Variants in NHSL2 observed in about 807,000 individuals in gnomAD.
NHSL2 encodes NHS-like protein 2.
NHSL2 carries 27 observed loss-of-function variants against 53.4 expected under a neutral mutation model. The ratio of observed to expected loss-of-function variants is 0.51; its 90% CI spans 0.37 to 0.70. The LOEUF (loss-of-function observed/expected upper bound fraction) is 0.70, where lower values mean the gene tolerates loss of function less well. Among genes scored for constraint, NHSL2 ranks in the 30% least tolerant of loss-of-function variants. The pLI is 0.00. For synonymous variants in NHSL2, 408 were observed against 404.1 expected, an observed-to-expected ratio of 1.01 and a Z score of -0.12; for missense variants, 892 against 980.1, an observed-to-expected ratio of 0.91 and a Z score of 1.20.
intron 1 of NHSL2, 196 bp from the exon 2 acceptor site, chrX:72,131,883 G>C: frequency 2.6e-6 from 1 of 382,644 alleles, no homozygotes; most frequent in South Asian, 4.0e-5. Context: ...CGAGCGGAGC[G>C]GGAGGGAGCG....
intron 1 of NHSL2, among the ~76,000 whole-genome samples, chrX:72,126,872 G>A (rs1208662017): frequency 3.6e-5 from 4 of 112,220 alleles, no homozygotes; most frequent in Non-Finnish European, 7.5e-5. Flanking sequence ...CATAGTCCCC[G>A]GGAGAACGAA....
intron 1 of NHSL2, among the ~76,000 whole-genome samples, chrX:71,965,718 T>G (rs1286388177): frequency 2.7e-5 from 3 of 112,318 alleles, no homozygotes; most frequent in African/African-American, 9.7e-5. Flanking sequence ...ATCTTGACAA[T>G]GTTGAGTTTT....
chrX:71,929,879 C>T (rs901393103), intron 1 of NHSL2, among the ~76,000 whole-genome samples: 3 of 110,535 alleles, frequency 2.7e-5, no homozygotes, highest in Non-Finnish European at 5.7e-5. Flanking sequence ...CTCAGCCTCC[C>T]GAGTAGCTAG....
intron 1 of NHSL2, among the ~76,000 whole-genome samples, chrX:72,105,719 T>C (rs2042032727): frequency 8.9e-6 from 1 of 111,768 alleles, no homozygotes; most frequent in African/African-American, 3.3e-5. Flanking sequence ...GCCTGTGAGC[T>C]ACCCAGGAAA....
intron 1 of NHSL2, among the ~76,000 whole-genome samples, chrX:72,045,674 G>A (rs1487581352): frequency 1.8e-5 from 2 of 112,327 alleles, no homozygotes; most frequent in African/African-American, 6.5e-5. Flanking sequence ...CAGTTGAGCA[G>A]GAAGAAGGGC....
chrX:72,001,364 A>G (rs1196717932), intron 1 of NHSL2, among the ~76,000 whole-genome samples: 2 of 111,174 alleles, frequency 1.8e-5, no homozygotes, highest in Admixed American at 1.9e-4. Context: ...GTCAGCAGCT[A>G]GGATCATGCA....
intron 1 of NHSL2, among the ~76,000 whole-genome samples, chrX:71,981,493 T>C (rs1303980295): frequency 1.1e-5 from 1 of 95,063 alleles, no homozygotes; most frequent in African/African-American, 4.2e-5. Flanking sequence ...GCAGAGATCG[T>C]GCCACTGCAC....
intron 1 of NHSL2, among the ~76,000 whole-genome samples, chrX:72,023,260 C>T (rs986081515): frequency 8.0e-5 from 9 of 112,473 alleles, no homozygotes; most frequent in East Asian, 2.8e-4. Flanking sequence ...AGTAGAAATA[C>T]GTGTGAAAAT....
intron 1 of NHSL2, among the ~76,000 whole-genome samples, chrX:72,102,942 A>C (rs761136325): frequency 1.8e-5 from 2 of 112,342 alleles, no homozygotes; most frequent in South Asian, 7.3e-4. Context: ...GCAAAAGCAC[A>C]GTAGGAGTTG....
chrX:71,962,837 T>C (rs1236651387), intron 1 of NHSL2, among the ~76,000 whole-genome samples: 1 of 109,308 alleles, frequency 9.1e-6, no homozygotes, highest in Non-Finnish European at 1.9e-5. Flanking sequence ...CAGGTCTTGC[T>C]ATGTTGCTGA....
chrX:71,946,088 G>A (rs770011363), intron 1 of NHSL2, among the ~76,000 whole-genome samples: 2 of 112,176 alleles, frequency 1.8e-5, no homozygotes, highest in African/African-American at 6.5e-5. Flanking sequence ...ATAAGGGTGG[G>A]TGTGACAGAT....
chrX:71,938,699 T>C (rs1476037220), intron 1 of NHSL2, among the ~76,000 whole-genome samples: 1 of 112,950 alleles, frequency 8.9e-6, no homozygotes, highest in Non-Finnish European at 1.9e-5. Flanking sequence ...AAATTCACAT[T>C]GCAAATCCTG....
At chrX:71,985,877 T>C (rs1334415153) in intron 1 of NHSL2, among the ~76,000 whole-genome samples, 1 of 112,055 alleles carries the variant, frequency 8.9e-6, no homozygotes, top group Non-Finnish European at 1.9e-5. Flanking sequence ...TGTAGCTGAT[T>C]ATAAACCACC....
intron 1 of NHSL2, among the ~76,000 whole-genome samples, chrX:71,940,735 G>A (rs1394074918): frequency 9.1e-6 from 1 of 109,712 alleles, no homozygotes; most frequent in Non-Finnish European, 1.9e-5. Flanking sequence ...TGAGGGGGAT[G>A]TGGCAAGGCT....
At chrX:72,080,475 C>T (rs1014675092) in intron 1 of NHSL2, among the ~76,000 whole-genome samples, 1 of 110,677 alleles carries the variant, frequency 9.0e-6, no homozygotes, top group Non-Finnish European at 1.9e-5. Flanking sequence ...AATTCATAAT[C>T]GGATGGCTTT....
chrX:72,135,729 A>G (rs1323864390), intron 4 of NHSL2, among the ~76,000 whole-genome samples: 1 of 112,170 alleles, frequency 8.9e-6, no homozygotes, highest in Non-Finnish European at 1.9e-5. Flanking sequence ...GATGTTGAAC[A>G]TTTTGTGTCT....
intron 1 of NHSL2, among the ~76,000 whole-genome samples, chrX:72,121,253 C>T (rs2042179043): frequency 8.9e-6 from 1 of 111,851 alleles, no homozygotes. Context: ...TTTGGGGTCC[C>T]TGGCCCAGTT....
intron 1 of NHSL2, among the ~76,000 whole-genome samples, chrX:72,107,386 T>G (rs1399361604): frequency 8.9e-6 from 1 of 112,905 alleles, no homozygotes; most frequent in Non-Finnish European, 1.9e-5. Context: ...CAGCTAATAC[T>G]AAGGGGTTTG....
rs1432431657 is a variant in NHSL2 at position 71,963,970 on chromosome X, T to TATATAC, written c.280+52606_280+52607insTACATA. ...GTGGCTATATATATACACATATATA[T>TATATAC]ATACATATATATATATATATATGTA... On this transcript the variant is annotated intron_variant, in intron 1 of 7. Coordinates refer to ENST00000633930, the MANE Select transcript of NHSL2 (RefSeq NM_001013627.3). Among the ~76,000 whole-genome samples, 8 of 5,559 alleles carry TATATAC rather than the reference T, an allele frequency of 1.4e-3. 1 individual carries two copies. Among genetic ancestry groups the TATATAC allele is most frequent in the African/African-American group, 1.5e-3 (7 of 4,812 alleles). 4.8% of individuals were successfully genotyped at this position (5,559 alleles called of 115,157 possible).
Sources: allele counts gnomAD v4.1 joint callset (sites outside exome capture counted in the v4.1 genomes callset), GRCh38; gene constraint gnomAD v4.1.1; transcripts MANE v1.5; gene names NCBI Gene and HGNC (gene_info 2026-07-23, HGNC 2026-07-21).